VPS45: variants seen among roughly 807,000 people sequenced by gnomAD.
The protein encoded by VPS45 is vacuolar protein sorting-associated protein 45.
In VPS45, 35 loss-of-function variants were observed where a neutral mutation model predicts 75.9. That is an observed-to-expected ratio of 0.46 (90% CI 0.35 to 0.61). The LOEUF (loss-of-function observed/expected upper bound fraction) is 0.61. Among genes scored for constraint, VPS45 ranks in the 20% least tolerant of loss-of-function variants. The pLI is 0.00. For missense variants in VPS45, 559 were observed against 685.9 expected (o/e 0.81, Z 2.07); for synonymous variants, 220 against 238.2 (o/e 0.92, Z 0.70).
Position 150,077,923 on chromosome 1 carries a change from T to TTGGTATCA in VPS45, c.687+147_687+154dup, listed in dbSNP as rs587622064. 6,340 of 706,578 alleles carry TTGGTATCA rather than the reference T, an allele frequency of 9.0e-3. 48 individuals are homozygous for TTGGTATCA. Among genetic ancestry groups the TTGGTATCA allele is most frequent in the Non-Finnish European group, 0.011 (4,406 of 408,454 alleles). The allele number at this position is 706,578 out of a possible 1,614,324, so 43.8% of individuals were successfully genotyped here. A position where few individuals can be genotyped will look rare whatever the true frequency, so the allele number is the denominator to read the frequency against. ...GTTTTGCTTTGTATTTCCTGGTGTT[T>TTGGTATCA]TGGTATCATGATTCTTCCATCCACT... is the stretch of plus-strand genomic sequence containing the variant. On this transcript the variant is annotated intron_variant, in intron 7 of 14. Coordinates refer to ENST00000644510, the MANE Select transcript of VPS45 (RefSeq NM_007259.5).
intron 14 of VPS45, among the ~76,000 whole-genome samples, chr1:150,125,339 T>A (rs1038167642): frequency 4.7e-5 from 7 of 149,080 alleles, no homozygotes; most frequent in Middle Eastern, 3.5e-3. Context: ...TTTTTACTTT[T>A]TTTATTTATT....
chr1:150,122,447 G>A (rs1156431538), intron 14 of VPS45, among the ~76,000 whole-genome samples: 1 of 152,130 alleles, frequency 6.6e-6, no homozygotes, highest in Non-Finnish European at 1.5e-5. Flanking sequence ...TGGTGAGTCT[G>A]GGTGGAGTGA....
chr1:150,093,853 C>G (rs1288616111), intron 13 of VPS45, among the ~76,000 whole-genome samples: 3 of 152,192 alleles, frequency 2.0e-5, no homozygotes, highest in Admixed American at 2.0e-4. Context: ...ACTAAAGAAA[C>G]AAGTGTTTTG....
At chr1:150,081,736 C>A in intron 8 of VPS45, 148 bp from the exon 9 acceptor site, 1 of 643,478 alleles carries the variant, frequency 1.6e-6, no homozygotes, top group Non-Finnish European at 2.7e-6. Flanking sequence ...TATTCATCAA[C>A]AGTGTCCCAG....
chr1:150,095,547 G>A (rs1656575885), intron 13 of VPS45, among the ~76,000 whole-genome samples: 1 of 151,734 alleles, frequency 6.6e-6, no homozygotes, highest in African/African-American at 2.4e-5. Flanking sequence ...CTGGGAGGCG[G>A]AGGTTGCAGT....
chr1:150,097,356 C>T lies in VPS45; in HGVS notation c.1493+3708C>T, dbSNP rs1656722588. ...GCCTCACCTCGTGATCCGCCCGCCT[C>T]GGCCTCCCAAAGTGCTGGGATTGCA... On this transcript the variant is annotated intron_variant, in intron 13 of 14. Coordinates refer to ENST00000644510, the MANE Select transcript of VPS45 (RefSeq NM_007259.5). Among the ~76,000 whole-genome samples the T allele has an allele frequency of 2.6e-5, 4 of 151,864 alleles. No individual in the cohort carries two copies. In the South Asian group the frequency reaches 6.2e-4, roughly 24 times the overall value.
In VPS45 at chr1:150,145,195, G is replaced by A. The variant is rs1659611898; in HGVS notation, c.*399G>A. 1 of 306,958 alleles carries A rather than the reference G, an allele frequency of 3.3e-6. No homozygotes were observed. The highest frequency in any genetic ancestry group is 6.0e-6 in the Non-Finnish European group (1 of 165,314). The allele number at this position is 306,958 out of a possible 1,614,324, so 19.0% of individuals were successfully genotyped here. ...TCTGCTTTTCATTAACCACATTCCT[G>A]CACAACTCATTTCTGAAAACCTACC... is the stretch of plus-strand genomic sequence containing the variant. On this transcript the variant is annotated 3_prime_UTR_variant, in exon 15 of 15. Coordinates refer to ENST00000644510, the MANE Select transcript of VPS45 (RefSeq NM_007259.5).
chr1:150,121,721 T>TCA (rs1658239769), intron 14 of VPS45, among the ~76,000 whole-genome samples: 1 of 152,202 alleles, frequency 6.6e-6, no homozygotes. Context: ...TAATAGATAT[T>TCA]TATTGAACAT....
At chr1:150,108,578 A>G (rs1178302247) in intron 13 of VPS45, among the ~76,000 whole-genome samples, 1 of 152,220 alleles carries the variant, frequency 6.6e-6, no homozygotes, top group Non-Finnish European at 1.5e-5. Context: ...GTGGGACCAT[A>G]AAAGGATACT....
At chr1:150,081,685 C>T (rs1187545692) in intron 8 of VPS45, among the ~76,000 whole-genome samples, 199 bp from the exon 9 acceptor site, 1 of 152,094 alleles carries the variant, frequency 6.6e-6, no homozygotes, top group Non-Finnish European at 1.5e-5. Flanking sequence ...TAGTTATTTA[C>T]TTCTCTCCCC....
At chr1:150,111,331 T>C (rs1310511356) in intron 14 of VPS45, among the ~76,000 whole-genome samples, 2 of 152,150 alleles carry the variant, frequency 1.3e-5, no homozygotes, top group African/African-American at 4.8e-5. Flanking sequence ...GAACAAGTTA[T>C]AAAAGCTGTA....
At chr1:150,121,880 G>A (rs1553809650) in intron 14 of VPS45, among the ~76,000 whole-genome samples, 1 of 152,048 alleles carries the variant, frequency 6.6e-6, no homozygotes, top group African/African-American at 2.4e-5. Context: ...TTAACAAATA[G>A]GTATATTTTA....
intron 13 of VPS45, among the ~76,000 whole-genome samples, chr1:150,101,308 T>A: frequency 6.8e-6 from 1 of 147,824 alleles, no homozygotes; most frequent in East Asian, 2.0e-4. Flanking sequence ...GAACAGCTAC[T>A]TCTCAAAAGA....
chr1:150,134,035 A>T (rs782402039), intron 14 of VPS45, among the ~76,000 whole-genome samples: 2 of 152,210 alleles, frequency 1.3e-5, no homozygotes, highest in Non-Finnish European at 2.9e-5. Flanking sequence ...AGTACTAAGG[A>T]GGGAATTCCG....
chr1:150,080,399 C>T (rs587775031), intron 7 of VPS45, among the ~76,000 whole-genome samples: 6 of 152,312 alleles, frequency 3.9e-5, no homozygotes, highest in African/African-American at 1.4e-4. Flanking sequence ...CCACCTCAGC[C>T]TCCCAAAGTG....
rs587705643 is a variant in VPS45, at chr1:150,120,422, T to A, written c.1625+9795T>A. On this transcript the variant is annotated intron_variant, in intron 14 of 14. Transcript: ENST00000644510. ...AGAAAGCAATTATTCCTTTCCTCCC[T>A]AGTATATTTCCAAAAATGAACATAA... is the stretch of plus-strand genomic sequence containing the variant. Among the ~76,000 whole-genome samples the A allele has an allele frequency of 1.2e-3, 184 of 152,320 alleles. 1 individual carries two copies. The South Asian group carries it at 0.018, about 15-fold the overall frequency.
intron 13 of VPS45, among the ~76,000 whole-genome samples, chr1:150,095,294 G>A (rs1656558656): frequency 6.6e-6 from 1 of 152,162 alleles, no homozygotes; most frequent in East Asian, 1.9e-4. Flanking sequence ...TCTGAGAGGT[G>A]ATATTTAAGA....
chr1:150,127,154 C>T (rs1484723889), intron 14 of VPS45, among the ~76,000 whole-genome samples: 6 of 152,144 alleles, frequency 3.9e-5, no homozygotes, highest in Non-Finnish European at 7.3e-5. Flanking sequence ...AAGTTGATTA[C>T]ATGCTGAAAG....
intron 14 of VPS45, chr1:150,142,995 G>T: frequency 3.0e-6 from 1 of 329,460 alleles, no homozygotes; most frequent in Non-Finnish European, 6.1e-6. Flanking sequence ...TCTTGCCAAT[G>T]GGTAGCTATT....
Sources: gnomAD v4.1 joint callset for allele counts (sites outside exome capture counted in the v4.1 genomes callset) on GRCh38, gnomAD v4.1.1 for gene constraint, MANE v1.5 for transcripts, NCBI Gene and HGNC (gene_info 2026-07-23, HGNC 2026-07-21) for gene names.